Variants in ATXN1L observed in about 807,000 individuals in gnomAD.
ATXN1L encodes the protein ataxin-1-like.
In ATXN1L, 8 loss-of-function variants were observed where a neutral mutation model predicts 43.4. That is an observed-to-expected ratio of 0.18 (90% CI 0.11 to 0.33). ATXN1L has a LOEUF of 0.33. Among genes scored for constraint, ATXN1L ranks in the 10% least tolerant of loss-of-function variants. The probability of loss-of-function intolerance (pLI) is 1.00; values close to 1 mark genes in which losing one functional copy is unlikely to be tolerated. For missense variants in ATXN1L, 856 were observed against 885.4 expected, an observed-to-expected ratio of 0.97 and a Z score of 0.42; for synonymous variants, 379 against 360.6, an observed-to-expected ratio of 1.05 and a Z score of -0.58.
chr16:71,849,829 C>T lies in ATXN1L; in HGVS notation c.89C>T (p.Thr30Ile), dbSNP rs761113308. 1.2e-5 allele frequency: 18 copies of T among 1,551,054 alleles called. No homozygotes were observed. The African/African-American group carries it at 1.6e-4, about 14-fold the overall frequency. The change falls in exon 3 of 3, where the codon ACC (threonine) becomes ATC (isoleucine). Residue 30 changes from threonine to isoleucine, a missense_variant. This residue lies in a region of ATXN1L where 93 missense variants were observed against 113.4 expected (regional missense o/e 0.82). Transcript: ENST00000427980. ...PVTSEDMGRT[T>I]SCSTNHTPSS... is the part of the protein sequence containing the mutation. Reference sequence around the variant, plus strand: ...ACCAGCGAGGATATGGGGAGAACTACCAGCTGCTCCACTAACCACACACCC... The same window carrying T: ...ACCAGCGAGGATATGGGGAGAACTATCAGCTGCTCCACTAACCACACACCC...
Position 71,851,721 on chromosome 16 carries a change from G to A in ATXN1L, c.1981G>A (p.Glu661Lys). Residue 661 changes from glutamate to lysine, a missense_variant, in exon 3 of 3, where the codon GAG (glutamate) becomes AAG (lysine). Transcript: ENST00000427980. The surrounding 1 kb of genome is among the most constrained non-coding windows in gnomAD (Gnocchi z 4.9). Reference protein sequence around the residue: ...PSFQRYSMQGEEARAALLRPS... With the variant: ...PSFQRYSMQGKEARAALLRPS... ...CTTCCAAAGATACAGCATGCAAGGG[G>A]AGGAGGCACGGGCTGCGCTGCTCCG... 5 of 1,475,704 alleles carry A rather than the reference G, an allele frequency of 3.4e-6. No individual in the cohort carries two copies. The highest frequency in any genetic ancestry group is 4.5e-6 in the Non-Finnish European group (5 of 1,108,742). 91.4% of individuals were successfully genotyped at this position (1,475,704 alleles called of 1,614,324 possible).
At chr16:71,849,098 C>A (rs2033470980) in intron 2 of ATXN1L, among the ~76,000 whole-genome samples, 1 of 151,544 alleles carries the variant, frequency 6.6e-6, no homozygotes, top group Admixed American at 6.6e-5. Flanking sequence ...CCTGTAGTCC[C>A]AGCTGCTTGG....
Position 71,851,184 on chromosome 16 carries a change from C to A in ATXN1L, c.1444C>A (p.Leu482Met). ...CATCATCCAGCTGGCTACGGGAGAG[C>A]TGAAGCGGGTGGAGGACCTCCAGAC... is the stretch of plus-strand genomic sequence containing the variant. ...GAIIQLATGE[L>M]KRVEDLQTQD... is the part of the protein sequence containing the mutation. Residue 482 changes from leucine to methionine, a missense_variant, in exon 3 of 3, where the codon CTG (leucine) becomes ATG (methionine). By Grantham distance (15) the Leu-to-Met change is conservative. Transcript: ENST00000427980. The surrounding 1 kb of genome is among the most constrained non-coding windows in gnomAD (Gnocchi z 4.9). 2 of 1,551,686 alleles carry A rather than the reference C, an allele frequency of 1.3e-6. No homozygotes were observed. The highest frequency in any genetic ancestry group is 8.7e-7 in the Non-Finnish European group (1 of 1,146,986).
intron 2 of ATXN1L, among the ~76,000 whole-genome samples, chr16:71,849,139 G>A (rs563347686): frequency 1.6e-4 from 24 of 149,638 alleles, no homozygotes; most frequent in East Asian, 8.0e-4. Context: ...GCTTGAACCC[G>A]GGAGGCGAGG....
At position 71,850,040 on chromosome 16, in the gene ATXN1L, G is replaced by T; in HGVS notation, c.300G>T (p.Val100=). Residue 100 remains valine, a synonymous_variant, in exon 3 of 3, where the codon GTG becomes GTT. Coordinates refer to ENST00000427980, the MANE Select transcript of ATXN1L (RefSeq NM_001137675.4). ...ATFSPTGLPS[V]VNMSPLPPTF... is the part of the protein sequence containing the mutation. ...TTTCACCAACTGGACTCCCATCTGT[G>T]GTGAATATGAGTCCCTTGCCCCCAA... is the stretch of plus-strand genomic sequence containing the variant. 1 of 1,551,618 alleles carries T rather than the reference G, an allele frequency of 6.4e-7. No individual in the cohort carries two copies. The highest frequency in any genetic ancestry group is 2.0e-5 in the Admixed American group (1 of 50,990).
rs1271403339 is a variant in ATXN1L, at chr16:71,855,148, T to G, written c.*3338T>G. ...AGATTAAGTGTAGGCGTCCGGTTCA[T>G]TCTTACCTGTGTTAGGCCATGTTAT... On this transcript the variant is annotated 3_prime_UTR_variant, in exon 3 of 3. Coordinates refer to ENST00000427980, the MANE Select transcript of ATXN1L (RefSeq NM_001137675.4). The G allele has an allele frequency of 1.2e-5, 2 of 167,186 alleles. No individual in the cohort carries two copies. The highest frequency in any genetic ancestry group is 3.8e-4 in the East Asian group (2 of 5,198). 10.4% of individuals were successfully genotyped at this position (167,186 alleles called of 1,614,324 possible). A position where few individuals can be genotyped will look rare whatever the true frequency, so the allele number is the denominator to read the frequency against.
At chr16:71,848,396 A>C (rs1174993655) in intron 2 of ATXN1L, 1 of 187,796 alleles carries the variant, frequency 5.3e-6, no homozygotes, top group African/African-American at 2.4e-5. Flanking sequence ...CCTGGAGCAG[A>C]CCTACAGTGG....
rs1441173503 is a variant in ATXN1L at position 71,850,134 on chromosome 16, C to T, written c.394C>T (p.Leu132Phe). ...CTATCCTCCACTCCACTATGCTCAG[C>T]TCCCATCCACCTCGCTGCAGTTCAT... ...IHYPPLHYAQ[L>F]PSTSLQFIGS... The change falls in exon 3 of 3, where the codon CTC (leucine) becomes TTC (phenylalanine). Residue 132 changes from leucine (L) to phenylalanine (F), a missense_variant. Around this residue, in one of 7 missense-constraint regions of ATXN1L, gnomAD observed 490 missense variants for 449.4 expected, o/e 1.09. Coordinates refer to ENST00000427980, the MANE Select transcript of ATXN1L (RefSeq NM_001137675.4). The T allele has an allele frequency of 3.9e-6, 6 of 1,551,654 alleles. No homozygotes were observed. The African/African-American group carries it at 4.1e-5, about 11-fold the overall frequency.
At chr16:71,849,435 G>A (rs930560467) in intron 2 of ATXN1L, among the ~76,000 whole-genome samples, 189 bp from the exon 3 acceptor site, 12 of 152,022 alleles carry the variant, frequency 7.9e-5, no homozygotes, top group Non-Finnish European at 1.8e-4. Flanking sequence ...TGATTTCCCC[G>A]ACTGTTTCTC....
chr16:71,847,024 CTG>C (rs780009718), intron 1 of ATXN1L, among the ~76,000 whole-genome samples: 73 of 152,296 alleles, frequency 4.8e-4, no homozygotes, highest in Non-Finnish European at 9.1e-4. Flanking sequence ...ATTTATGCCA[CTG>C]TGTAATAATA....
chr16:71,850,331 A>G lies in ATXN1L; in HGVS notation c.591A>G (p.Ser197=). ...CACAGGCTCCCTCCCCGGCCCACTC[A>G]TTTAACAAAGCTCCCTCTGCCACCT... ...PPPQAPSPAH[S]FNKAPSATSP... Residue 197 remains serine, a synonymous_variant, in exon 3 of 3, where the codon TCA becomes TCG. Coordinates refer to ENST00000427980, the MANE Select transcript of ATXN1L (RefSeq NM_001137675.4). The G allele has an allele frequency of 6.4e-7, 1 of 1,551,490 alleles. No homozygotes were observed. The highest frequency in any genetic ancestry group is 2.0e-5 in the Admixed American group (1 of 50,976).
In ATXN1L at chr16:71,850,860, G is replaced by A; in HGVS notation, c.1120G>A (p.Gly374Ser). The A allele has an allele frequency of 6.4e-7, 1 of 1,551,728 alleles. No homozygotes were observed. Among genetic ancestry groups the A allele is most frequent in the Non-Finnish European group, 8.7e-7 (1 of 1,147,000 alleles). Residue 374 changes from glycine (G) to serine (S), a missense_variant, in exon 3 of 3, where the codon GGT (glycine) becomes AGT (serine). This residue lies in a region of ATXN1L where 490 missense variants were observed against 449.4 expected (regional missense o/e 1.09). Transcript: ENST00000427980. ...ATCCCATCATACCCCCGACCATCAG[G>A]GTGAGGGGCGAGGGTCAGCCAGGAA... ...NLSHHTPDHQGEGRGSARNPA... is the reference protein window; with the variant it reads ...NLSHHTPDHQSEGRGSARNPA...
In ATXN1L at chr16:71,854,213, C is replaced by G. The variant is rs1039519553; in HGVS notation, c.*2403C>G. ...CTGAGCTTTCTCCTTATGGGGCAAA[C>G]CTATGTCTAACCAGATACAGACCAA... On this transcript the variant is annotated 3_prime_UTR_variant, in exon 3 of 3. Transcript: ENST00000427980. 5 of 167,112 alleles carry G rather than the reference C, an allele frequency of 3.0e-5. No homozygotes were observed. Among genetic ancestry groups the G allele is most frequent in the African/African-American group, 1.2e-4 (5 of 41,458 alleles). 10.4% of individuals were successfully genotyped at this position (167,112 alleles called of 1,614,324 possible).
At position 71,855,064 on chromosome 16, in the gene ATXN1L, C is replaced by G; in HGVS notation, c.*3254C>G. The G allele has an allele frequency of 6.0e-6, 1 of 167,644 alleles. No homozygotes were observed. 10.4% of individuals were successfully genotyped at this position (167,644 alleles called of 1,614,324 possible). A position where few individuals can be genotyped will look rare whatever the true frequency, so the allele number is the denominator to read the frequency against. Reference sequence around the variant, plus strand: ...GCTGCTTTGCCACTGCTGCTGTCCGCTCACTGTCCTGCCTGCTGTCCTCTA... The same window carrying G: ...GCTGCTTTGCCACTGCTGCTGTCCGGTCACTGTCCTGCCTGCTGTCCTCTA... On this transcript the variant is annotated 3_prime_UTR_variant, in exon 3 of 3. Transcript: ENST00000427980.
At position 71,856,788 on chromosome 16, in the gene ATXN1L, G is replaced by C. The variant is rs2033556073; in HGVS notation, c.*4978G>C. 1 of 167,162 alleles carries C rather than the reference G, an allele frequency of 6.0e-6. No homozygotes were observed. Among genetic ancestry groups the C allele is most frequent in the African/African-American group, 2.4e-5 (1 of 41,440 alleles). The allele number at this position is 167,162 out of a possible 1,614,324, so 10.4% of individuals were successfully genotyped here. A position where few individuals can be genotyped will look rare whatever the true frequency, so the allele number is the denominator to read the frequency against. On this transcript the variant is annotated 3_prime_UTR_variant, in exon 3 of 3. Coordinates refer to ENST00000427980, the MANE Select transcript of ATXN1L (RefSeq NM_001137675.4). ...GGCGAGGGAAGAATATACGGATAGGGAATGGGGTGGAGAAAGGATGGGAAT... is the reference window on the plus strand; with the variant it reads ...GGCGAGGGAAGAATATACGGATAGGCAATGGGGTGGAGAAAGGATGGGAAT...
rs142487282 is a variant in ATXN1L at position 71,852,939 on chromosome 16, C to G, written c.*1129C>G. ...CAGCTATAATCTCTATTTTTAAAAT[C>G]TCAAAATCATGTCCCCTCCACTTCC... On this transcript the variant is annotated 3_prime_UTR_variant, in exon 3 of 3. Coordinates refer to ENST00000427980, the MANE Select transcript of ATXN1L (RefSeq NM_001137675.4). 1 of 167,220 alleles carries G rather than the reference C, an allele frequency of 6.0e-6. No individual in the cohort carries two copies. Among genetic ancestry groups the G allele is most frequent in the Non-Finnish European group, 1.5e-5 (1 of 68,158 alleles). 10.4% of individuals were successfully genotyped at this position (167,220 alleles called of 1,614,324 possible). A position where few individuals can be genotyped will look rare whatever the true frequency, so the allele number is the denominator to read the frequency against.
chr16:71,846,209 C>T (rs2033440868), intron 1 of ATXN1L, 105 bp downstream of exon 1: 1 of 159,478 alleles, frequency 6.3e-6, no homozygotes, highest in African/African-American at 2.4e-5. Flanking sequence ...GGCCGGGGCC[C>T]ATGAACCGTG....
chr16:71,850,315 C>T lies in ATXN1L; in HGVS notation c.575C>T (p.Pro192Leu). ...AEGATPPPQA[P>L]SPAHSFNKAP... ...GGAGCCACTCCTCCCCCACAGGCTCCCTCCCCGGCCCACTCATTTAACAAA... is the reference window on the plus strand; with the variant it reads ...GGAGCCACTCCTCCCCCACAGGCTCTCTCCCCGGCCCACTCATTTAACAAA... The change falls in exon 3 of 3, where the codon CCC becomes CTC. Residue 192 changes from proline (P) to leucine (L), a missense_variant. Pro to Leu is a moderately conservative substitution (Grantham distance 98, BLOSUM62 -3). Around this residue, in one of 7 missense-constraint regions of ATXN1L, gnomAD observed 490 missense variants for 449.4 expected, o/e 1.09. Coordinates refer to ENST00000427980, the MANE Select transcript of ATXN1L (RefSeq NM_001137675.4). 6.4e-7 allele frequency: 1 copy of T among 1,551,706 alleles called. No individual in the cohort carries two copies.
In ATXN1L at chr16:71,856,901, T is replaced by C. The variant is rs1216512286; in HGVS notation, c.*5091T>C. 1 of 167,076 alleles carries C rather than the reference T, an allele frequency of 6.0e-6. No homozygotes were observed. The highest frequency in any genetic ancestry group is 1.5e-5 in the Non-Finnish European group (1 of 68,122). 10.3% of individuals were successfully genotyped at this position (167,076 alleles called of 1,614,324 possible). A position where few individuals can be genotyped will look rare whatever the true frequency, so the allele number is the denominator to read the frequency against. ...GATGGATCTGTGTAGGAGTTCCCTGTAGATAAATTACTGATCCCCCATCTA... is the reference window on the plus strand; with the variant it reads ...GATGGATCTGTGTAGGAGTTCCCTGCAGATAAATTACTGATCCCCCATCTA... On this transcript the variant is annotated 3_prime_UTR_variant, in exon 3 of 3. Transcript: ENST00000427980.
Sources: allele counts gnomAD v4.1 joint callset (sites outside exome capture counted in the v4.1 genomes callset), GRCh38; gene constraint gnomAD v4.1.1; regional missense constraint gnomAD v4.1.1; non-coding constraint Gnocchi (gnomAD v3.1); transcripts MANE v1.5; gene names NCBI Gene and HGNC (gene_info 2026-07-23, HGNC 2026-07-21).